PCDHA6: variants seen among roughly 807,000 people sequenced by gnomAD.
PCDHA6 encodes protocadherin alpha-6.
PCDHA6 carries 55 observed loss-of-function variants against 60.3 expected under a neutral mutation model. The ratio of observed to expected loss-of-function variants is 0.91; its 90% CI spans 0.73 to 1.14. PCDHA6 has a LOEUF of 1.14. Among genes scored for constraint, PCDHA6 ranks in the 50% most tolerant of loss-of-function variants. The pLI is 0.00. For synonymous variants in PCDHA6, 652 were observed against 557.9 expected, an observed-to-expected ratio of 1.17 and a Z score of -2.38; for missense variants, 1,327 against 1,256.5, an observed-to-expected ratio of 1.06 and a Z score of -0.85.
intron 1 of PCDHA6, chr5:140,854,468 A>G (rs1581342472): frequency 6.7e-6 from 1 of 150,046 alleles, no homozygotes; most frequent in African/African-American, 2.4e-5. Flanking sequence ...CCAGAGGAGT[A>G]GAGAAGTATA....
At position 140,830,439 on chromosome 5, in the gene PCDHA6, T is replaced by A. The variant is rs1771065522; in HGVS notation, c.2348T>A (p.Met783Lys). Residue 783 changes from methionine to lysine, a missense_variant, in exon 1 of 4, where the codon ATG (methionine) becomes AAG (lysine). Physicochemically the swap from Met to Lys is moderately conservative, Grantham distance 95. Coordinates refer to ENST00000529310, the MANE Select transcript of PCDHA6 (RefSeq NM_018909.4). ...SPSLSPCPIMMGKAENQDLNE... is the reference protein window; with the variant it reads ...SPSLSPCPIMKGKAENQDLNE... ...AGCCTTTCACCTTGTCCTATTATGA[T>A]GGGTAAGGCGGAGAATCAGGATTTA... 1.9e-6 allele frequency: 3 copies of A among 1,611,160 alleles called. No individual in the cohort carries two copies. In the East Asian group the frequency reaches 6.7e-5, roughly 36 times the overall value.
rs543030376 is a variant in PCDHA6, at chr5:140,961,758, G to A, written c.2395-17191G>A. 3.3e-5 allele frequency among the ~76,000 whole-genome samples: 5 copies of A among 152,240 alleles called. No individual in the cohort carries two copies. In the South Asian group the frequency reaches 8.3e-4, roughly 25 times the overall value. On this transcript the variant is annotated intron_variant, in intron 1 of 3. Coordinates refer to ENST00000529310, the MANE Select transcript of PCDHA6 (RefSeq NM_018909.4). ...CTTTAGTAATATTACAGTTTTGAAG[G>A]AATTTATATCAAGCTTAATGGCACT...
intron 1 of PCDHA6, among the ~76,000 whole-genome samples, chr5:140,840,932 A>G (rs1391347019): frequency 1.3e-5 from 2 of 152,030 alleles, no homozygotes; most frequent in African/African-American, 2.4e-5. Flanking sequence ...AATTGATACG[A>G]TATTTGAAAT....
chr5:140,890,439 A>G (rs114755692), intron 1 of PCDHA6, among the ~76,000 whole-genome samples: 1 of 152,210 alleles, frequency 6.6e-6, no homozygotes, highest in Non-Finnish European at 1.5e-5. Context: ...TACAATACCT[A>G]GTGATATCTT....
At chr5:140,974,690 T>G (rs2096636717) in intron 1 of PCDHA6, among the ~76,000 whole-genome samples, 4 of 152,236 alleles carry the variant, frequency 2.6e-5, no homozygotes, top group Admixed American at 2.6e-4. Context: ...TTTGTATTTT[T>G]GGGTTTCACC....
At position 141,000,421 on chromosome 5, in the gene PCDHA6, A is replaced by ATTTTTT. The variant is rs34755515; in HGVS notation, c.2543-9188_2543-9183dup. On this transcript the variant is annotated intron_variant, in intron 3 of 3. Coordinates refer to ENST00000529310, the MANE Select transcript of PCDHA6 (RefSeq NM_018909.4). ...TATATATATATATATATATATATAT[A>ATTTTTT]TTTTTTTTTTTTTTTTTTTTTTTGA... 3.2e-4 allele frequency among the ~76,000 whole-genome samples: 9 copies of ATTTTTT among 27,978 alleles called. 1 individual carries two copies. The highest frequency in any genetic ancestry group is 5.3e-4 in the African/African-American group (3 of 5,638). 18.4% of individuals were successfully genotyped at this position (27,978 alleles called of 152,430 possible).
At chr5:140,914,788 T>G (rs2076845575) in intron 1 of PCDHA6, among the ~76,000 whole-genome samples, 1 of 152,192 alleles carries the variant, frequency 6.6e-6, no homozygotes, top group South Asian at 2.1e-4. Context: ...TTATGACCCA[T>G]TATTTTAAAC....
intron 1 of PCDHA6, among the ~76,000 whole-genome samples, chr5:140,975,701 T>A (rs2153808072): frequency 6.6e-6 from 1 of 152,358 alleles, no homozygotes; most frequent in East Asian, 1.9e-4. Flanking sequence ...AAACTTATTT[T>A]ACTTTAAATC....
At chr5:140,877,137 G>A in intron 1 of PCDHA6, 1 of 1,613,796 alleles carries the variant, frequency 6.2e-7, no homozygotes. Context: ...AGGTGTTCGT[G>A]CTGGACGAGA....
chr5:140,980,259 G>T (rs1200649581), intron 2 of PCDHA6, among the ~76,000 whole-genome samples: 1 of 152,192 alleles, frequency 6.6e-6, no homozygotes. Flanking sequence ...TAAAAGCATG[G>T]TTTACAGTAC....
At chr5:140,858,256 G>T in intron 1 of PCDHA6, 1 of 1,596,658 alleles carries the variant, frequency 6.3e-7, no homozygotes. Flanking sequence ...TGAAGCCCAC[G>T]CTGGTGTGCT....
At chr5:140,977,671 A>G (rs2096770792) in intron 1 of PCDHA6, among the ~76,000 whole-genome samples, 1 of 152,178 alleles carries the variant, frequency 6.6e-6, no homozygotes, top group South Asian at 2.1e-4. Flanking sequence ...CTGCATGCCA[A>G]ATATCATGTA....
In PCDHA6 at chr5:140,884,757, TCTTTA is replaced by T. The variant is rs1486319174; in HGVS notation, c.2394+54278_2394+54282del. On this transcript the variant is annotated intron_variant, in intron 1 of 3. Transcript: ENST00000529310. ...ATCTTTCCTGCCAATTTCAAATTATTCTTTACTTTAATTTTAATTTTGCTAGTTGT... is the reference window on the plus strand; with the variant it reads ...ATCTTTCCTGCCAATTTCAAATTATTCTTTAATTTTAATTTTGCTAGTTGT... The T allele has an allele frequency of 5.5e-5, 78 of 1,427,314 alleles. 1 individual carries two copies. The highest frequency in any genetic ancestry group is 1.3e-4 in the South Asian group (8 of 61,704). The allele number at this position is 1,427,314 out of a possible 1,614,324, so 88.4% of individuals were successfully genotyped here. A position where few individuals can be genotyped will look rare whatever the true frequency, so the allele number is the denominator to read the frequency against.
At chr5:140,929,331 C>G in intron 1 of PCDHA6, 1 of 1,534,960 alleles carries the variant, frequency 6.5e-7, no homozygotes, top group Non-Finnish European at 8.8e-7. Context: ...CCATGGTAAG[C>G]AAATTTTATG....
chr5:140,870,201 G>C lies in PCDHA6; in HGVS notation c.2394+39716G>C, dbSNP rs370139733. 2.5e-4 allele frequency: 410 copies of C among 1,614,022 alleles called. 1 individual carries two copies. Among genetic ancestry groups the C allele is most frequent in the Non-Finnish European group, 5.8e-5 (69 of 1,180,034 alleles). ...TACGAGAGGACGCTCAGCCCAGCAC[G>C]GTCATTGCCCTGATCAGCGTGTCTG... On this transcript the variant is annotated intron_variant, in intron 1 of 3. Coordinates refer to ENST00000529310, the MANE Select transcript of PCDHA6 (RefSeq NM_018909.4).
At chr5:140,861,610 A>T (rs1268305779) in intron 1 of PCDHA6, 1 of 355,772 alleles carries the variant, frequency 2.8e-6, no homozygotes. Context: ...AACAATAAAG[A>T]CAACCTGCCA....
intron 1 of PCDHA6, chr5:140,927,896 A>T: frequency 1.2e-6 from 2 of 1,614,200 alleles, no homozygotes; most frequent in Non-Finnish European, 1.7e-6. Flanking sequence ...GACGTGAACG[A>T]TCATGCCCCC....
intron 1 of PCDHA6, chr5:140,871,192 G>C (rs1582019516): frequency 6.2e-7 from 1 of 1,613,550 alleles, no homozygotes; most frequent in Non-Finnish European, 8.5e-7. Context: ...GGATGTCAAC[G>C]TGTACCTGAT....
At chr5:140,944,724 C>G (rs246064) in intron 1 of PCDHA6, among the ~76,000 whole-genome samples, 85,713 of 151,920 alleles carry the variant, frequency 0.56, 24,798 homozygotes, top group African/African-American at 0.69. Flanking sequence ...CTTTGAACAC[C>G]TTAGTAAGTC....
Sources: gnomAD v4.1 joint callset for allele counts (sites outside exome capture counted in the v4.1 genomes callset) on GRCh38, gnomAD v4.1.1 for gene constraint, MANE v1.5 for transcripts, NCBI Gene and HGNC (gene_info 2026-07-23, HGNC 2026-07-21) for gene names.